The following COMMD10 variants were observed in gnomAD, a reference collection of about 807,000 sequenced individuals.
COMMD10 encodes the protein COMM domain-containing protein 10.
Under a neutral mutation model 28.9 loss-of-function variants are expected in COMMD10, and 33 were observed. The ratio of observed to expected loss-of-function variants is 1.14; its 90% CI spans 0.87 to 1.53. COMMD10 has a LOEUF of 1.53. COMMD10 is among the 40% of genes most tolerant of loss of function. The pLI is 0.00. For missense variants in COMMD10, 310 were observed against 233.4 expected, an observed-to-expected ratio of 1.33 and a Z score of -2.14; for synonymous variants, 110 against 81.7, an observed-to-expected ratio of 1.35 and a Z score of -1.87.
chr5:116,190,711 C>G (rs4921076), intron 5 of COMMD10, among the ~76,000 whole-genome samples: 48,932 of 151,978 alleles, frequency 0.32, 11,148 homozygotes, highest in African/African-American at 0.65. Context: ...ACTTTTGTAC[C>G]TAAAATATTA....
At chr5:116,127,687 A>G (rs1442863927) in intron 4 of COMMD10, among the ~76,000 whole-genome samples, 1 of 152,220 alleles carries the variant, frequency 6.6e-6, no homozygotes, top group African/African-American at 2.4e-5. Context: ...CAGAAAACCA[A>G]ACACTGCATG....
chr5:116,149,086 C>T (rs1752432006), intron 5 of COMMD10, among the ~76,000 whole-genome samples: 1 of 145,960 alleles, frequency 6.9e-6, no homozygotes, highest in South Asian at 2.1e-4. Flanking sequence ...CCACCTATGA[C>T]ATAGTGAGAA....
At chr5:116,160,467 T>C (rs1449202710) in intron 5 of COMMD10, among the ~76,000 whole-genome samples, 1 of 152,164 alleles carries the variant, frequency 6.6e-6, no homozygotes, top group Admixed American at 6.6e-5. Flanking sequence ...TAATTAAATG[T>C]GATTGATAAA....
chr5:116,174,001 C>G (rs1342314122), intron 5 of COMMD10, among the ~76,000 whole-genome samples: 1 of 152,004 alleles, frequency 6.6e-6, no homozygotes, highest in East Asian at 1.9e-4. Context: ...AAGTCCTTCT[C>G]TCTTAGAGCA....
chr5:116,158,196 C>T (rs62385217), intron 5 of COMMD10, among the ~76,000 whole-genome samples: 16,844 of 21,550 alleles, frequency 0.78, 7,028 homozygotes, highest in Non-Finnish European at 0.83. Context: ...CTCCGTCTCC[C>T]CTCTCTCCGT....
chr5:116,170,699 G>C (rs1753297971), intron 5 of COMMD10, among the ~76,000 whole-genome samples: 1 of 152,120 alleles, frequency 6.6e-6, no homozygotes. Context: ...ACAACCATCT[G>C]ATCTTTGACA....
At chr5:116,133,309 A>G (rs961670734) in intron 4 of COMMD10, among the ~76,000 whole-genome samples, 4 of 152,216 alleles carry the variant, frequency 2.6e-5, no homozygotes, top group Admixed American at 6.5e-5. Context: ...TCTGTGCTCA[A>G]TACTTTATAA....
chr5:116,101,197 A>G (rs1387948654), intron 4 of COMMD10, among the ~76,000 whole-genome samples: 1 of 152,156 alleles, frequency 6.6e-6, no homozygotes, highest in Non-Finnish European at 1.5e-5. Context: ...GAATACTGTG[A>G]TAAACAGGAG....
At chr5:116,198,007 A>C (rs150985115) in intron 5 of COMMD10, among the ~76,000 whole-genome samples, 160 of 152,216 alleles carry the variant, frequency 1.1e-3, no homozygotes, top group African/African-American at 3.6e-3. Flanking sequence ...GTCTCCTCTC[A>C]CTTACACATA....
rs1750041641 is a variant in COMMD10 at position 116,085,054 on chromosome 5, TGGC to T, written c.5_7del (p.Ala2?). 3 of 1,608,852 alleles carry T rather than the reference TGGC, an allele frequency of 1.9e-6. No individual in the cohort carries two copies. Among genetic ancestry groups the T allele is most frequent in the African/African-American group, 2.7e-5 (2 of 74,966 alleles). Reference sequence around the variant, plus strand: ...GGCGGCAGTGCGAGAAAGCCGAAGATGGCGGTCCCCGCGGCGCTGATCCTACGG... The same window carrying T: ...GGCGGCAGTGCGAGAAAGCCGAAGATGGTCCCCGCGGCGCTGATCCTACGG... On this transcript the variant is annotated start_lost and inframe_deletion, in exon 1 of 7. Coordinates refer to ENST00000274458, the MANE Select transcript of COMMD10 (RefSeq NM_016144.4).
intron 5 of COMMD10, among the ~76,000 whole-genome samples, chr5:116,138,135 C>T (rs141867984): frequency 1.3e-5 from 2 of 151,796 alleles, no homozygotes; most frequent in African/African-American, 4.8e-5. Context: ...TTATTTATTT[C>T]CATAAACAAA....
At chr5:116,114,653 T>C (rs1156778839) in intron 4 of COMMD10, among the ~76,000 whole-genome samples, 3 of 152,176 alleles carry the variant, frequency 2.0e-5, no homozygotes, top group Admixed American at 1.3e-4. Flanking sequence ...AATGCTTGCA[T>C]GAGGGGTGAC....
Position 116,203,210 on chromosome 5 carries a change from C to T in COMMD10, c.510+69032C>T, listed in dbSNP as rs147271401. Among the ~76,000 whole-genome samples the T allele has an allele frequency of 7.4e-3, 1,131 of 152,022 alleles. 20 individuals carry two copies. Among genetic ancestry groups the T allele is most frequent in the African/African-American group, 0.026 (1,091 of 41,458 alleles). ...AGAGAAAAAAGAATAAAAAGAAACG[C>T]AGAAAACCTCCAAGAAATATGGGAC... On this transcript the variant is annotated intron_variant, in intron 5 of 6. Coordinates refer to ENST00000274458, the MANE Select transcript of COMMD10 (RefSeq NM_016144.4).
rs1288189047 is a variant in COMMD10, at chr5:116,134,053, A to G, written c.400-15A>G. 3.5e-6 allele frequency: 5 copies of G among 1,418,956 alleles called. No individual in the cohort carries two copies. The highest frequency in any genetic ancestry group is 1.7e-5 in the Admixed American group (1 of 59,770). 87.9% of individuals were successfully genotyped at this position (1,418,956 alleles called of 1,614,324 possible). ...TCTGTACCATCTGATTCCAATCTGC[A>G]CCTGTCTTTTATAGCTAGAGACCGT... On this transcript the variant is annotated splice_polypyrimidine_tract_variant and intron_variant, in intron 4 of 6. Coordinates refer to ENST00000274458, the MANE Select transcript of COMMD10 (RefSeq NM_016144.4).
chr5:116,116,966 C>T (rs190249892), intron 4 of COMMD10, among the ~76,000 whole-genome samples: 5 of 152,234 alleles, frequency 3.3e-5, no homozygotes. Context: ...TACTTTCAAC[C>T]TCATCCTCAC....
chr5:116,248,652 G>T (rs1470113039), intron 5 of COMMD10, among the ~76,000 whole-genome samples: 1 of 151,862 alleles, frequency 6.6e-6, no homozygotes, highest in African/African-American at 2.4e-5. Flanking sequence ...ATTCATACAG[G>T]TCTCTGTTGG....
intron 5 of COMMD10, among the ~76,000 whole-genome samples, chr5:116,249,756 G>A (rs900741332): frequency 6.6e-6 from 1 of 151,876 alleles, no homozygotes. Context: ...ATGTAGTACA[G>A]ATTTTAAGTT....
chr5:116,168,045 G>A (rs949485355), intron 5 of COMMD10, among the ~76,000 whole-genome samples: 3 of 150,232 alleles, frequency 2.0e-5, no homozygotes, highest in Non-Finnish European at 4.4e-5. Context: ...TGGTAAATTG[G>A]ATAGAGTCAA....
At chr5:116,169,959 A>G (rs761176575) in intron 5 of COMMD10, among the ~76,000 whole-genome samples, 14 of 152,078 alleles carry the variant, frequency 9.2e-5, no homozygotes, top group Non-Finnish European at 1.8e-4. Flanking sequence ...CACCACCCCT[A>G]TTCATCATAG....
Sources: gnomAD v4.1 joint callset for allele counts (sites outside exome capture counted in the v4.1 genomes callset) on GRCh38, gnomAD v4.1.1 for gene constraint, MANE v1.5 for transcripts, NCBI Gene and HGNC (gene_info 2026-07-23, HGNC 2026-07-21) for gene names.